SBK2: variants seen among roughly 807,000 people sequenced by gnomAD.
SBK2 encodes the protein serine/threonine-protein kinase SBK2.
Under a neutral mutation model 15.9 loss-of-function variants are expected in SBK2, and 18 were observed. That is an observed-to-expected ratio of 1.13 (90% CI 0.78 to 1.68). SBK2 has a LOEUF of 1.68. SBK2 is among the 40% of genes most tolerant of loss of function. SBK2 has a pLI of 0.00. For synonymous variants in SBK2, 284 were observed against 246.8 expected (o/e 1.15, Z -1.41); for missense variants, 581 against 510.9 (o/e 1.14, Z -1.32).
chr19:55,528,983 A>G lies in SBK2; in HGVS notation c.*750T>C, dbSNP rs73059289. Among the ~76,000 whole-genome samples the G allele has an allele frequency of 0.15, 23,548 of 152,020 alleles. 2,004 individuals are homozygous for G. Among genetic ancestry groups the G allele is most frequent in the East Asian group, 0.19 (1,005 of 5,174 alleles). On this transcript the variant is annotated 3_prime_UTR_variant, in exon 4 of 4. Transcript: ENST00000413299. The stretch of plus-strand genomic sequence containing the variant: ...GAGGAGGCAGACAGTAAGCATTTAC[A>G]ACGCGCAGCTGTAATCCCAGCACTG...
intron 2 of SBK2, among the ~76,000 whole-genome samples, chr19:55,533,820 C>T (rs1404846141): frequency 2.6e-5 from 4 of 152,206 alleles, no homozygotes; most frequent in African/African-American, 9.6e-5. Context: ...CCACGCCACC[C>T]GGTGTTGGCG....
chr19:55,534,190 T>TA (rs1394462301), intron 2 of SBK2, among the ~76,000 whole-genome samples: 4 of 152,116 alleles, frequency 2.6e-5, no homozygotes, highest in Non-Finnish European at 5.9e-5. Flanking sequence ...ATGGGGTCTT[T>TA]AAAGAGGTAA....
chr19:55,536,870 A>ACCGGGGAC (rs1440901714), intron 1 of SBK2, among the ~76,000 whole-genome samples, 184 bp downstream of exon 1: 1 of 150,446 alleles, frequency 6.6e-6, no homozygotes, highest in Non-Finnish European at 1.5e-5. Context: ...AATTCACACA[A>ACCGGGGAC]CTGGGGACCC....
At position 55,536,039 on chromosome 19, in the gene SBK2, T is replaced by TA. The variant is rs746370006; in HGVS notation, c.253+2dup. 1.3e-5 allele frequency: 19 copies of TA among 1,468,974 alleles called. No homozygotes were observed. In the African/African-American group the frequency reaches 2.6e-4, roughly 20 times the overall value. 91.0% of individuals were successfully genotyped at this position (1,468,974 alleles called of 1,614,324 possible). A position where few individuals can be genotyped will look rare whatever the true frequency, so the allele number is the denominator to read the frequency against. ...TGCCACCTCTGGCCCCACAGCCTCG[T>TA]ACCTTTCTGACGATGGGTGACCAGA... On this transcript the variant is annotated splice_region_variant and intron_variant, in intron 2 of 3. Transcript: ENST00000413299.
In SBK2 at chr19:55,536,035, C is replaced by T. The variant is rs1988387482; in HGVS notation, c.253+7G>A. 6.8e-7 allele frequency: 1 copy of T among 1,468,322 alleles called. No individual in the cohort carries two copies. The highest frequency in any genetic ancestry group is 9.1e-7 in the Non-Finnish European group (1 of 1,103,116). The allele number at this position is 1,468,322 out of a possible 1,614,324, so 91.0% of individuals were successfully genotyped here. A position where few individuals can be genotyped will look rare whatever the true frequency, so the allele number is the denominator to read the frequency against. On this transcript the variant is annotated splice_region_variant and intron_variant, in intron 2 of 3. Transcript: ENST00000413299. The stretch of plus-strand genomic sequence containing the variant: ...ACCCTGCCACCTCTGGCCCCACAGC[C>T]TCGTACCTTTCTGACGATGGGTGAC...
At chr19:55,530,405 G>A in intron 3 of SBK2, 82 bp from the exon 4 acceptor site, 2 of 1,272,288 alleles carry the variant, frequency 1.6e-6, no homozygotes, top group Non-Finnish European at 2.1e-6. Context: ...AGGACGCCAA[G>A]GAGGCCGGTA....
intron 2 of SBK2, among the ~76,000 whole-genome samples, chr19:55,535,279 C>G (rs116577248): frequency 6.6e-6 from 1 of 152,052 alleles, no homozygotes; most frequent in Non-Finnish European, 1.5e-5. Context: ...TGGAAGGACA[C>G]GGTGCTTGGC....
chr19:55,531,171 C>T lies in SBK2; in HGVS notation c.428G>A (p.Gly143Glu), dbSNP rs1158337855. Reference sequence around the variant, plus strand: ...GGGCTGGATGAAGGCCATGAGGTCCCCGTGCAGGACGGGCTCCGTCAGGAA... The same window carrying T: ...GGGCTGGATGAAGGCCATGAGGTCCTCGTGCAGGACGGGCTCCGTCAGGAA... ...YSFLTEPVLH[G>E]DLMAFIQPKV... The change falls in exon 3 of 4, where the codon GGG becomes GAG. Residue 143 changes from glycine (G) to glutamate (E), a missense_variant. Physicochemically the swap from Gly to Glu is moderately conservative, Grantham distance 98. Coordinates refer to ENST00000413299, the MANE Select transcript of SBK2 (RefSeq NM_001370096.2). 6.2e-7 allele frequency: 1 copy of T among 1,612,616 alleles called. No individual in the cohort carries two copies. Among genetic ancestry groups the T allele is most frequent in the South Asian group, 1.1e-5 (1 of 91,076 alleles).
At chr19:55,531,117 A>C in intron 3 of SBK2, 26 bp downstream of exon 3, 2 of 1,598,492 alleles carry the variant, frequency 1.3e-6, no homozygotes, top group East Asian at 4.5e-5. Context: ...AGGCACTCGG[A>C]GGCGGCCTGG....
chr19:55,536,742 G>A (rs1452879750), intron 1 of SBK2, among the ~76,000 whole-genome samples: 4 of 151,854 alleles, frequency 2.6e-5, no homozygotes, highest in Non-Finnish European at 2.9e-5. Flanking sequence ...GCTCCTGACA[G>A]GCCTGGGGTC....
chr19:55,535,181 C>T (rs1988367283), intron 2 of SBK2, among the ~76,000 whole-genome samples: 1 of 149,324 alleles, frequency 6.7e-6, no homozygotes, highest in Non-Finnish European at 1.5e-5. Context: ...GGGTCCACTG[C>T]CCGCCCAACC....
Position 55,530,085 on chromosome 19 carries a change from G to A in SBK2, c.695C>T (p.Pro232Leu). The A allele has an allele frequency of 3.5e-6, 5 of 1,440,502 alleles. No individual in the cohort carries two copies. Among genetic ancestry groups the A allele is most frequent in the Admixed American group, 2.8e-5 (1 of 35,520 alleles). The allele number at this position is 1,440,502 out of a possible 1,614,324, so 89.2% of individuals were successfully genotyped here. A position where few individuals can be genotyped will look rare whatever the true frequency, so the allele number is the denominator to read the frequency against. The change falls in exon 4 of 4, where the codon CCG becomes CTG. Residue 232 changes from proline to leucine, a missense_variant. By Grantham distance (98) the Pro-to-Leu change is moderately conservative. Coordinates refer to ENST00000413299, the MANE Select transcript of SBK2 (RefSeq NM_001370096.2). ...AATGGGCAGGCCCTCGGGGAGCGGC[G>A]GGGGCGCGCAGAGCTCGGGGGCCGT... ...PYTAPELCAP[P>L]PLPEGLPIQP...
In SBK2 at chr19:55,530,199, G is replaced by A. The variant is rs1432082992; in HGVS notation, c.581C>T (p.Pro194Leu). Residue 194 changes from proline to leucine, a missense_variant, in exon 4 of 4, where the codon CCG becomes CTG. Pro to Leu is a moderately conservative substitution (Grantham distance 98, BLOSUM62 -3). Coordinates refer to ENST00000413299, the MANE Select transcript of SBK2 (RefSeq NM_001370096.2). ...GGTCAGCTTGAAGCGCCGGCAGGCCGGGTCGCACACCAGGACGTTCTCCGG... is the reference window on the plus strand; with the variant it reads ...GGTCAGCTTGAAGCGCCGGCAGGCCAGGTCGCACACCAGGACGTTCTCCGG... ...LKPENVLVCDPACRRFKLTDF... is the reference protein window; with the variant it reads ...LKPENVLVCDLACRRFKLTDF... 6 of 1,535,382 alleles carry A rather than the reference G, an allele frequency of 3.9e-6. No homozygotes were observed. Among genetic ancestry groups the A allele is most frequent in the Non-Finnish European group, 5.3e-6 (6 of 1,141,084 alleles).
Position 55,529,404 on chromosome 19 carries a change from T to A in SBK2, c.*329A>T, listed in dbSNP as rs575578321. ...GAGCGAGACCCTGTCTCAAAAAAAA[T>A]AAAAATGCGAGGGGTGAGGGGATGA... is the stretch of plus-strand genomic sequence containing the variant. On this transcript the variant is annotated 3_prime_UTR_variant, in exon 4 of 4. Transcript: ENST00000413299. Among the ~76,000 whole-genome samples the A allele has an allele frequency of 2.2e-4, 33 of 151,510 alleles. No individual in the cohort carries two copies. The highest frequency in any genetic ancestry group is 7.8e-4 in the African/African-American group (32 of 41,268).
intron 2 of SBK2, among the ~76,000 whole-genome samples, chr19:55,532,059 C>G (rs1988282383): frequency 6.6e-6 from 1 of 152,128 alleles, no homozygotes; most frequent in African/African-American, 2.4e-5. Flanking sequence ...TTCTACCTTG[C>G]TTTCTTACAA....
chr19:55,534,887 T>C (rs1335860562), intron 2 of SBK2, among the ~76,000 whole-genome samples: 1 of 151,680 alleles, frequency 6.6e-6, no homozygotes, highest in Non-Finnish European at 1.5e-5. Context: ...GAGCTGGGCA[T>C]GGTGGCATGC....
Position 55,529,641 on chromosome 19 carries a change from T to C in SBK2, c.*92A>G. 6.8e-7 allele frequency: 1 copy of C among 1,478,240 alleles called. No homozygotes were observed. The highest frequency in any genetic ancestry group is 1.3e-5 in the South Asian group (1 of 76,080). 91.6% of individuals were successfully genotyped at this position (1,478,240 alleles called of 1,614,324 possible). ...ACGCCGAGGGGAATCCCAAGCCCCA[T>C]GGATGAAAACACACCGAGGAGACAC... On this transcript the variant is annotated 3_prime_UTR_variant, in exon 4 of 4. Transcript: ENST00000413299.
Position 55,530,499 on chromosome 19 carries a change from TG to T in SBK2, c.457-177del, listed in dbSNP as rs1323627933. On this transcript the variant is annotated intron_variant, in intron 3 of 3. Transcript: ENST00000413299. Reference sequence around the variant, plus strand: ...TTTAGTGTGGCCTAGGGTGACCCCGTGAGGCCTAGTGTGACCTGTGAGGCCT... The same window carrying T: ...TTTAGTGTGGCCTAGGGTGACCCCGTAGGCCTAGTGTGACCTGTGAGGCCT... 3.2e-3 allele frequency among the ~76,000 whole-genome samples: 116 copies of T among 35,806 alleles called. 1 individual carries two copies. Among genetic ancestry groups the T allele is most frequent in the Admixed American group, 4.7e-3 (20 of 4,248 alleles). The allele number at this position is 35,806 out of a possible 152,430, so 23.5% of individuals were successfully genotyped here. A position where few individuals can be genotyped will look rare whatever the true frequency, so the allele number is the denominator to read the frequency against.
chr19:55,530,270 G>A lies in SBK2; in HGVS notation c.510C>T (p.Ala170=). 1 of 1,483,200 alleles carries A rather than the reference G, an allele frequency of 6.7e-7. No homozygotes were observed. The highest frequency in any genetic ancestry group is 2.6e-5 in the East Asian group (1 of 38,486). The allele number at this position is 1,483,200 out of a possible 1,614,324, so 91.9% of individuals were successfully genotyped here. A position where few individuals can be genotyped will look rare whatever the true frequency, so the allele number is the denominator to read the frequency against. ...GGCCGCGGGCGTGGATGTACTCCAGGGCGGAGGCCAGCTGGGCGGCGCAGC... is the reference window on the plus strand; with the variant it reads ...GGCCGCGGGCGTGGATGTACTCCAGAGCGGAGGCCAGCTGGGCGGCGCAGC... ...VHRCAAQLAS[A]LEYIHARGLV... Residue 170 remains alanine (A), a synonymous_variant, in exon 4 of 4, where the codon GCC becomes GCT. Coordinates refer to ENST00000413299, the MANE Select transcript of SBK2 (RefSeq NM_001370096.2).
Sources: gnomAD v4.1 joint callset for allele counts (sites outside exome capture counted in the v4.1 genomes callset) on GRCh38, gnomAD v4.1.1 for gene constraint, MANE v1.5 for transcripts, NCBI Gene and HGNC (gene_info 2026-07-23, HGNC 2026-07-21) for gene names.